The following REV3L variants were observed in gnomAD, a reference collection of about 807,000 sequenced individuals.
REV3L encodes DNA polymerase zeta catalytic subunit.
REV3L carries 69 observed loss-of-function variants against 299.4 expected under a neutral mutation model. That is an observed-to-expected ratio of 0.23 (90% CI 0.19 to 0.28). The LOEUF (loss-of-function observed/expected upper bound fraction) is 0.28. Among genes scored for constraint, REV3L ranks in the 10% least tolerant of loss-of-function variants. The pLI, the probability that REV3L is intolerant of heterozygous loss-of-function variation, is 1.00. For missense variants in REV3L, 3,128 were observed against 3,693.8 expected (o/e 0.85, Z 3.97); for synonymous variants, 1,238 against 1,271.4 (o/e 0.97, Z 0.56).
chr6:111,368,180 T>A, intron 13 of REV3L, 152 bp from the exon 14 acceptor site: 1 of 640,738 alleles, frequency 1.6e-6, no homozygotes, highest in Non-Finnish European at 2.6e-6. Context: ...GTACATTCTA[T>A]CTTTAGTCTC....
chr6:111,334,477 TAATTAAAA>T lies in REV3L; in HGVS notation c.7680+984_7680+991del, dbSNP rs542368717. On this transcript the variant is annotated intron_variant, in intron 22 of 31. Transcript: ENST00000368802. The stretch of plus-strand genomic sequence containing the variant: ...TTGAATGTGGCTTTTGTTGTGGAAA[TAATTAAAA>T]AATAAAAAAAAAGAACTGAATAGTA... 4.6e-4 allele frequency among the ~76,000 whole-genome samples: 70 copies of T among 152,050 alleles called. No homozygotes were observed. In the East Asian group the frequency reaches 0.01, roughly 23 times the overall value.
Position 111,368,044 on chromosome 6 carries a change from T to G in REV3L, c.5760-16A>C. The G allele has an allele frequency of 2.6e-6, 4 of 1,552,068 alleles. No individual in the cohort carries two copies. The highest frequency in any genetic ancestry group is 3.5e-6 in the Non-Finnish European group (4 of 1,153,552). ...ACCAATCTCCCTATAATAACATATT[T>G]TAGAACAACTGTTTTGTTTCAAAGA... On this transcript the variant is annotated splice_polypyrimidine_tract_variant and intron_variant, in intron 13 of 31. Coordinates refer to ENST00000368802, the MANE Select transcript of REV3L (RefSeq NM_001372078.1).
intron 1 of REV3L, among the ~76,000 whole-genome samples, chr6:111,479,914 G>T (rs1404549753): frequency 2.6e-5 from 4 of 152,058 alleles, no homozygotes; most frequent in Non-Finnish European, 5.9e-5. Flanking sequence ...CTCAAGATAC[G>T]TCCTCAAAAC....
chr6:111,378,972 C>T (rs550119950), intron 11 of REV3L, among the ~76,000 whole-genome samples: 1 of 152,196 alleles, frequency 6.6e-6, no homozygotes, highest in Non-Finnish European at 1.5e-5. Context: ...ATATAAAGAG[C>T]AGAATTAACT....
At chr6:111,365,647 A>G (rs1254688116) in intron 14 of REV3L, among the ~76,000 whole-genome samples, 2 of 152,194 alleles carry the variant, frequency 1.3e-5, no homozygotes, top group Non-Finnish European at 2.9e-5. Flanking sequence ...GATGAGGAAG[A>G]AAAGACATAA....
intron 1 of REV3L, chr6:111,430,244 G>C (rs1786730169): frequency 1.1e-6 from 1 of 890,148 alleles, no homozygotes. Context: ...CCTTCAAGAA[G>C]CTTTGAATCA....
intron 1 of REV3L, chr6:111,430,689 G>A (rs1423554068): frequency 6.5e-7 from 1 of 1,533,260 alleles, no homozygotes; most frequent in Non-Finnish European, 9.0e-7. Flanking sequence ...GCCTTCAAGA[G>A]TCCCAGCAAA....
rs1441963321 is a variant in REV3L, at chr6:111,483,204, T to G, written c.-316A>C. ...TCCCAGGCTGCAGCTCTTGTTGCCA[T>G]GATGATGATGTCACGGACGCAACCA... On this transcript the variant is annotated 5_prime_UTR_variant, in exon 1 of 32. It removes an upstream start codon present in the reference 5' UTR. Coordinates refer to ENST00000368802, the MANE Select transcript of REV3L (RefSeq NM_001372078.1). 2.2e-6 allele frequency: 1 copy of G among 458,148 alleles called. No individual in the cohort carries two copies. Among genetic ancestry groups the G allele is most frequent in the Admixed American group, 4.5e-5 (1 of 22,356 alleles). The allele number at this position is 458,148 out of a possible 1,614,324, so 28.4% of individuals were successfully genotyped here. A position where few individuals can be genotyped will look rare whatever the true frequency, so the allele number is the denominator to read the frequency against.
At position 111,389,153 on chromosome 6, in the gene REV3L, C is replaced by T. The variant is rs761349313; in HGVS notation, c.815G>A (p.Arg272Gln). 11 of 1,613,924 alleles carry T rather than the reference C, an allele frequency of 6.8e-6. No homozygotes were observed. The highest frequency in any genetic ancestry group is 3.3e-5 in the South Asian group (3 of 91,082). ...TTGAGAAGTTTCATTTCTGTTTCTTCGCCGTTGCTTTTCATCTTCCCATAT... is the reference window on the plus strand; with the variant it reads ...TTGAGAAGTTTCATTTCTGTTTCTTTGCCGTTGCTTTTCATCTTCCCATAT... Reference protein sequence around the residue: ...QAIWEDEKQRRRNRNETSQMS... With the variant: ...QAIWEDEKQRQRNRNETSQMS... Residue 272 changes from arginine to glutamine, a missense_variant, in exon 7 of 32, where the codon CGA becomes CAA. By Grantham distance (43) the Arg-to-Gln change is conservative. This residue lies in a region of REV3L where 2,409 missense variants were observed against 2,611.8 expected (regional missense o/e 0.92). Coordinates refer to ENST00000368802, the MANE Select transcript of REV3L (RefSeq NM_001372078.1).
At chr6:111,400,410 G>C (rs749632478) in intron 4 of REV3L, among the ~76,000 whole-genome samples, 3 of 152,132 alleles carry the variant, frequency 2.0e-5, no homozygotes, top group Non-Finnish European at 4.4e-5. Flanking sequence ...TTAGTCTTGC[G>C]AATTGTAGTC....
At chr6:111,464,481 T>C (rs1791177448) in intron 1 of REV3L, among the ~76,000 whole-genome samples, 1 of 152,126 alleles carries the variant, frequency 6.6e-6, no homozygotes, top group East Asian at 1.9e-4. Flanking sequence ...GAAAAGAATC[T>C]GTGATAATTT....
intron 1 of REV3L, chr6:111,431,095 G>A (rs1786866883): frequency 6.7e-7 from 1 of 1,502,146 alleles, no homozygotes; most frequent in East Asian, 2.3e-5. Flanking sequence ...CAACAAGAAT[G>A]ATTCTGATTT....
intron 1 of REV3L, among the ~76,000 whole-genome samples, chr6:111,440,419 G>C (rs761581137): frequency 6.6e-6 from 1 of 152,118 alleles, no homozygotes; most frequent in Non-Finnish European, 1.5e-5. Flanking sequence ...ATCTTTTGGC[G>C]AAAATGTGTT....
chr6:111,430,260 C>CGA (rs1786735061), intron 1 of REV3L: 12 of 937,494 alleles, frequency 1.3e-5, no homozygotes. Flanking sequence ...AATCAACTGG[C>CGA]GAGACAATTG....
intron 13 of REV3L, among the ~76,000 whole-genome samples, chr6:111,371,844 G>A (rs1002231048): frequency 6.6e-6 from 1 of 151,984 alleles, no homozygotes; most frequent in African/African-American, 2.4e-5. Context: ...GATTACAGGC[G>A]TGAGCCACTG....
intron 3 of REV3L, among the ~76,000 whole-genome samples, chr6:111,407,059 A>G (rs1458123259): frequency 1.3e-5 from 2 of 152,216 alleles, no homozygotes; most frequent in East Asian, 3.9e-4. Context: ...ACAGTGAGGT[A>G]TGATGGCGCC....
chr6:111,422,612 A>ATATATTTCCCC (rs1785561863), intron 1 of REV3L, among the ~76,000 whole-genome samples: 1 of 9,704 alleles, frequency 1.0e-4, no homozygotes, highest in African/African-American at 4.9e-4. Flanking sequence ...ATATATATAT[A>ATATATTTCCCC]CACATATATA....
chr6:111,387,983 T>C lies in REV3L; in HGVS notation c.947+18A>G. On this transcript the variant is annotated intron_variant, in intron 8 of 31. Transcript: ENST00000368802. The stretch of plus-strand genomic sequence containing the variant: ...GGAATAAAATTAGTTCTGAGATCTA[T>C]AATAAATAACCACTTACACAGAGAA... The C allele has an allele frequency of 2.5e-6, 4 of 1,608,196 alleles. No homozygotes were observed. The highest frequency in any genetic ancestry group is 3.4e-6 in the Non-Finnish European group (4 of 1,175,364).
intron 21 of REV3L, among the ~76,000 whole-genome samples, chr6:111,340,824 T>C (rs763172728): frequency 1.1e-4 from 17 of 152,052 alleles, no homozygotes; most frequent in Non-Finnish European, 2.2e-4. Context: ...TTGACATAAA[T>C]GGTCTAATGT....
Sources: allele counts gnomAD v4.1 joint callset (sites outside exome capture counted in the v4.1 genomes callset), GRCh38; gene constraint gnomAD v4.1.1; regional missense constraint gnomAD v4.1.1; transcripts MANE v1.5; gene names NCBI Gene and HGNC (gene_info 2026-07-23, HGNC 2026-07-21).